Variants in RPP14 observed in about 807,000 individuals in gnomAD.
RPP14 encodes ribonuclease P/MRP subunit p14.
RPP14 carries 19 observed loss-of-function variants against 17.8 expected under a neutral mutation model. The observed-to-expected ratio is 1.07, with a 90% CI of 0.74 to 1.57. The LOEUF is 1.57. Ranked by LOEUF, RPP14 falls within the 40% of genes most tolerant of loss-of-function variation. The probability of loss-of-function intolerance (pLI) is 0.00; values close to 1 mark genes in which losing one functional copy is unlikely to be tolerated. For synonymous variants in RPP14, 60 were observed against 56.4 expected, an observed-to-expected ratio of 1.06 and a Z score of -0.29; for missense variants, 125 against 140.8, an observed-to-expected ratio of 0.89 and a Z score of 0.57.
chr3:58,309,074 G>A (rs1234023601), intron 1 of RPP14, among the ~76,000 whole-genome samples: 3 of 152,208 alleles, frequency 2.0e-5, no homozygotes, highest in Non-Finnish European at 4.4e-5. Context: ...TTCACAGATA[G>A]TCTTGCACAG....
intron 3 of RPP14, chr3:58,315,704 T>G (rs2097487537): frequency 6.6e-6 from 1 of 152,248 alleles, no homozygotes; most frequent in African/African-American, 2.4e-5. Context: ...GAAACAGAGT[T>G]TCGCTCTTCT....
At chr3:58,316,453 G>A in intron 3 of RPP14, 62 bp from the exon 4 acceptor site, 1 of 1,446,218 alleles carries the variant, frequency 6.9e-7, no homozygotes, top group Non-Finnish European at 9.7e-7. Context: ...GTTGTCAAAA[G>A]TTGACAAGCA....
At position 58,319,656 on chromosome 3, in the gene RPP14, TA is replaced by T. The variant is rs2097492376; in HGVS notation, c.*2163del. On this transcript the variant is annotated 3_prime_UTR_variant, in exon 6 of 6. Coordinates refer to ENST00000295959, the MANE Select transcript of RPP14 (RefSeq NM_007042.6). Reference sequence around the variant, plus strand: ...GTAAAAAAAAAAAAATTGTAAGAAATAAATATTAAGAAGATTATGGAGGCCA... The same window carrying T: ...GTAAAAAAAAAAAAATTGTAAGAAATAATATTAAGAAGATTATGGAGGCCA... 6.6e-6 allele frequency: 1 copy of T among 151,308 alleles called. No individual in the cohort carries two copies. The highest frequency in any genetic ancestry group is 1.5e-5 in the Non-Finnish European group (1 of 67,902). 9.4% of individuals were successfully genotyped at this position (151,308 alleles called of 1,614,324 possible).
rs1416406817 is a variant in RPP14, at chr3:58,317,938, T to C, written c.*442T>C. ...GCCAGGGCCAGGCTGTGTATTTCTT[T>C]CCCAGGAAATTAGCTTTCCAGCCCC... On this transcript the variant is annotated 3_prime_UTR_variant, in exon 6 of 6. Transcript: ENST00000295959. 5.7e-6 allele frequency: 4 copies of C among 702,742 alleles called. No individual in the cohort carries two copies. The highest frequency in any genetic ancestry group is 1.0e-5 in the Non-Finnish European group (4 of 384,978). The allele number at this position is 702,742 out of a possible 1,614,324, so 43.5% of individuals were successfully genotyped here. A position where few individuals can be genotyped will look rare whatever the true frequency, so the allele number is the denominator to read the frequency against.
intron 1 of RPP14, among the ~76,000 whole-genome samples, chr3:58,309,628 A>G (rs745958027): frequency 6.6e-6 from 1 of 152,238 alleles, no homozygotes; most frequent in Admixed American, 6.5e-5. Context: ...ACAGTGGCTC[A>G]CACCTGTAAT....
intron 1 of RPP14, 164 bp downstream of exon 1, chr3:58,306,581 GAACGTGGCC>G (rs2097475042): frequency 6.6e-6 from 1 of 152,074 alleles, no homozygotes; most frequent in African/African-American, 2.4e-5. Flanking sequence ...CTCGGCCGCA[GAACGTGGCC>G]GAGAGGCCCG....
At position 58,317,805 on chromosome 3, in the gene RPP14, T is replaced by C. The variant is rs545672303; in HGVS notation, c.*309T>C. 1.9e-4 allele frequency: 135 copies of C among 703,022 alleles called. 1 individual carries two copies. In the South Asian group the frequency reaches 1.9e-3, roughly 10 times the overall value. The allele number at this position is 703,022 out of a possible 1,614,324, so 43.5% of individuals were successfully genotyped here. A position where few individuals can be genotyped will look rare whatever the true frequency, so the allele number is the denominator to read the frequency against. On this transcript the variant is annotated 3_prime_UTR_variant, in exon 6 of 6. Coordinates refer to ENST00000295959, the MANE Select transcript of RPP14 (RefSeq NM_007042.6). ...TCTCAGAATTAACAGGGGATGTCAA[T>C]CCTTTGCATTTGAATGAAGACTTTG...
In RPP14 at chr3:58,310,484, T is replaced by C. The variant is rs765267254; in HGVS notation, c.78-23T>C. ...GAATAGAATGAAATTTAATATGACT[T>C]TTTTTTTTTTCACTTTTTTTAGAGA... On this transcript the variant is annotated intron_variant, in intron 2 of 5. Transcript: ENST00000295959. 343 of 1,213,440 alleles carry C rather than the reference T, an allele frequency of 2.8e-4. 2 individuals are homozygous for C. Among genetic ancestry groups the C allele is most frequent in the African/African-American group, 1.0e-3 (49 of 47,508 alleles). The allele number at this position is 1,213,440 out of a possible 1,614,324, so 75.2% of individuals were successfully genotyped here.
At chr3:58,307,374 A>G (rs9818581) in intron 1 of RPP14, among the ~76,000 whole-genome samples, 10,590 of 152,236 alleles carry the variant, frequency 0.07, 478 homozygotes, top group Middle Eastern at 0.092. Flanking sequence ...AGTAGGGAGA[A>G]TCAGATTTAT....
intron 1 of RPP14, among the ~76,000 whole-genome samples, chr3:58,307,339 C>T (rs928053625): frequency 2.0e-5 from 3 of 152,134 alleles, no homozygotes; most frequent in African/African-American, 2.4e-5. Context: ...ACTCACTGGC[C>T]GCCGTAGGGA....
intron 1 of RPP14, chr3:58,307,652 A>C (rs902882247): frequency 6.6e-6 from 1 of 152,076 alleles, no homozygotes; most frequent in African/African-American, 2.4e-5. Flanking sequence ...CTTCGACCCA[A>C]AGCACTCCAG....
At chr3:58,316,430 T>A in intron 3 of RPP14, 85 bp from the exon 4 acceptor site, 1 of 1,279,286 alleles carries the variant, frequency 7.8e-7, no homozygotes, top group Middle Eastern at 1.9e-4. Context: ...GGAGAAAAGC[T>A]CAAAACTCAT....
intron 4 of RPP14, 104 bp downstream of exon 4, chr3:58,316,695 T>A: frequency 1.8e-6 from 2 of 1,098,700 alleles, no homozygotes; most frequent in Non-Finnish European, 2.7e-6. Flanking sequence ...TTGTGAACTC[T>A]GAGCAGCTTT....
intron 3 of RPP14, among the ~76,000 whole-genome samples, chr3:58,312,850 A>G (rs1247152460): frequency 6.6e-6 from 1 of 151,478 alleles, no homozygotes; most frequent in East Asian, 2.0e-4. Flanking sequence ...AGTCCCAGCT[A>G]CTTGGAAGAC....
At position 58,310,592 on chromosome 3, in the gene RPP14, G is replaced by GTA. The variant is rs1414265533; in HGVS notation, c.162+3_162+4dup. 1 of 1,609,034 alleles carries GTA rather than the reference G, an allele frequency of 6.2e-7. No individual in the cohort carries two copies. Among genetic ancestry groups the GTA allele is most frequent in the East Asian group, 2.2e-5 (1 of 44,852 alleles). On this transcript the variant is annotated splice_donor_variant, in intron 3 of 5. Transcript: ENST00000295959. LOFTEE classifies it high-confidence loss of function. The stretch of plus-strand genomic sequence containing the variant: ...GGCTGTGAAGGACCTGTTTGGGGAG[G>GTA]TATGGAATCACTTGGTAGATTGAAC...
intron 1 of RPP14, among the ~76,000 whole-genome samples, chr3:58,307,490 C>T (rs2097476758): frequency 6.6e-6 from 1 of 152,134 alleles, no homozygotes; most frequent in African/African-American, 2.4e-5. Flanking sequence ...TTGAGGGGGC[C>T]GAGGTCGGCG....
rs1217507237 is a variant in RPP14 at position 58,317,788 on chromosome 3, T to C, written c.*292T>C. ...GACTGATGTGGCTACCTTCTCAGAATTAACAGGGGATGTCAATCCTTTGCA... is the reference window on the plus strand; with the variant it reads ...GACTGATGTGGCTACCTTCTCAGAACTAACAGGGGATGTCAATCCTTTGCA... On this transcript the variant is annotated 3_prime_UTR_variant, in exon 6 of 6. Transcript: ENST00000295959. 1.4e-6 allele frequency: 1 copy of C among 703,092 alleles called. No homozygotes were observed. Among genetic ancestry groups the C allele is most frequent in the Admixed American group, 2.0e-5 (1 of 50,010 alleles). 43.6% of individuals were successfully genotyped at this position (703,092 alleles called of 1,614,324 possible).
chr3:58,307,096 G>A (rs1179319701), intron 1 of RPP14, among the ~76,000 whole-genome samples: 3 of 152,206 alleles, frequency 2.0e-5, no homozygotes, highest in Non-Finnish European at 2.9e-5. Context: ...GAGGCCCAGC[G>A]GTGGGAGCGA....
Position 58,317,745 on chromosome 3 carries a change from TAGG to T in RPP14, c.*253_*255del. On this transcript the variant is annotated 3_prime_UTR_variant, in exon 6 of 6. Transcript: ENST00000295959. The stretch of plus-strand genomic sequence containing the variant: ...TCAAAGTTGGAGACCGCGCTGAACT[TAGG>T]AGGGCCTTCACACAGACTGATGTGG... 1.4e-6 allele frequency: 1 copy of T among 703,380 alleles called. No homozygotes were observed. The highest frequency in any genetic ancestry group is 2.6e-6 in the Non-Finnish European group (1 of 384,992). The allele number at this position is 703,380 out of a possible 1,614,324, so 43.6% of individuals were successfully genotyped here.
Sources: gnomAD v4.1 joint callset for allele counts (sites outside exome capture counted in the v4.1 genomes callset) on GRCh38, gnomAD v4.1.1 for gene constraint, MANE v1.5 for transcripts, NCBI Gene and HGNC (gene_info 2026-07-23, HGNC 2026-07-21) for gene names.